RALYL: variants seen among roughly 807,000 people sequenced by gnomAD.
RALYL encodes RALY RNA binding protein like.
Under a neutral mutation model 35.1 loss-of-function variants are expected in RALYL, and 29 were observed. The ratio of observed to expected loss-of-function variants is 0.83; its 90% CI spans 0.61 to 1.13. The LOEUF is 1.13. Ranked by LOEUF, RALYL falls within the 50% of genes most tolerant of loss-of-function variation. The pLI is 0.00. For synonymous variants in RALYL, 120 were observed against 127.6 expected, an observed-to-expected ratio of 0.94 and a Z score of 0.40; for missense variants, 359 against 360.4, an observed-to-expected ratio of 1.00 and a Z score of 0.03.
At chr8:84,231,753 T>C (rs1007564119) in intron 1 of RALYL, among the ~76,000 whole-genome samples, 1 of 152,188 alleles carries the variant, frequency 6.6e-6, no homozygotes, top group African/African-American at 2.4e-5. Flanking sequence ...TCAAACTCTT[T>C]CAAAGTAGTC....
chr8:84,842,974 A>C (rs958255910), intron 4 of RALYL, among the ~76,000 whole-genome samples: 1 of 152,190 alleles, frequency 6.6e-6, no homozygotes, highest in Non-Finnish European at 1.5e-5. Context: ...ATCTCAAAAT[A>C]ATAAGAGCTA....
At chr8:84,840,125 T>C (rs1254765642) in intron 4 of RALYL, among the ~76,000 whole-genome samples, 2 of 152,050 alleles carry the variant, frequency 1.3e-5, no homozygotes, top group East Asian at 3.9e-4. Flanking sequence ...AGGGAATGAC[T>C]TTGACGAGTT....
chr8:84,464,825 C>T (rs1377309261), intron 1 of RALYL, among the ~76,000 whole-genome samples: 215 of 142,548 alleles, frequency 1.5e-3, no homozygotes, highest in African/African-American at 4.8e-3. Flanking sequence ...TTTTTAATGA[C>T]TGCCATTCTA....
At chr8:84,916,149 ATTTAAC>A (rs1848435328) in intron 8 of RALYL, among the ~76,000 whole-genome samples, 3 of 152,266 alleles carry the variant, frequency 2.0e-5, no homozygotes, top group African/African-American at 4.8e-5. Flanking sequence ...GTTAAAATAA[ATTTAAC>A]TTTATTTACC....
At chr8:84,368,490 C>A (rs1175963383) in intron 1 of RALYL, among the ~76,000 whole-genome samples, 1 of 152,152 alleles carries the variant, frequency 6.6e-6, no homozygotes, top group East Asian at 1.9e-4. Context: ...TGCTTTCAGG[C>A]TGCTGATAAA....
chr8:84,559,293 A>G (rs1474387219), intron 2 of RALYL, among the ~76,000 whole-genome samples: 3 of 152,066 alleles, frequency 2.0e-5, no homozygotes, highest in African/African-American at 7.2e-5. Context: ...AAGTGTGAAA[A>G]CATTAAAATA....
chr8:84,873,356 G>A lies in RALYL; in HGVS notation c.644G>A (p.Gly215Glu), dbSNP rs1285208955. The A allele has an allele frequency of 1.2e-6, 2 of 1,601,450 alleles. No individual in the cohort carries two copies. The highest frequency in any genetic ancestry group is 1.7e-6 in the Non-Finnish European group (2 of 1,173,816). Residue 215 changes from glycine (G) to glutamate (E), a missense_variant, in exon 7 of 9, where the codon GGG (glycine) becomes GAG (glutamate). Physicochemically the swap from Gly to Glu is moderately conservative, Grantham distance 98. Coordinates refer to ENST00000521268, the MANE Select transcript of RALYL (RefSeq NM_173848.7). ...QIKTKIDSLL[G>E]RLEKIEKQQK... ...AAAACTAAAATTGACTCCTTGCTAG[G>A]GCGCCTGGAGAAGATTGAGAAACAG... is the stretch of plus-strand genomic sequence containing the variant.
chr8:84,863,273 A>G (rs1419999375), intron 6 of RALYL, among the ~76,000 whole-genome samples: 3 of 152,224 alleles, frequency 2.0e-5, no homozygotes. Context: ...AGGAAAAGAG[A>G]AAGTGACCTT....
At chr8:84,526,668 C>G (rs1398302247) in intron 1 of RALYL, among the ~76,000 whole-genome samples, 2 of 152,136 alleles carry the variant, frequency 1.3e-5, no homozygotes, top group Non-Finnish European at 1.5e-5. Context: ...TCTCAAGAAA[C>G]CTGTCACACA....
intron 8 of RALYL, among the ~76,000 whole-genome samples, chr8:84,901,791 C>T (rs1176483540): frequency 1.3e-5 from 2 of 152,080 alleles, no homozygotes; most frequent in Admixed American, 6.6e-5. Flanking sequence ...AGGAGAGACT[C>T]TTATTTGATT....
chr8:84,570,723 G>A (rs535370924), intron 2 of RALYL, among the ~76,000 whole-genome samples: 3 of 151,860 alleles, frequency 2.0e-5, no homozygotes, highest in South Asian at 2.1e-4. Context: ...CTGTGTATTT[G>A]CCATGGATGG....
chr8:84,400,204 A>T (rs572555448), intron 1 of RALYL, among the ~76,000 whole-genome samples: 1 of 152,300 alleles, frequency 6.6e-6, no homozygotes, highest in South Asian at 2.1e-4. Context: ...TATGTTAGGG[A>T]TGGAACCCAA....
intron 3 of RALYL, among the ~76,000 whole-genome samples, chr8:84,781,986 C>T (rs1818275274): frequency 6.6e-6 from 1 of 151,928 alleles, no homozygotes; most frequent in Non-Finnish European, 1.5e-5. Flanking sequence ...GCAGGTACCA[C>T]CTTGAGTAGC....
At chr8:84,274,679 A>G (rs545537477) in intron 1 of RALYL, among the ~76,000 whole-genome samples, 10 of 152,260 alleles carry the variant, frequency 6.6e-5, no homozygotes, top group African/African-American at 1.7e-4. Flanking sequence ...CAGGAATTGT[A>G]TCTCTATAAG....
At chr8:84,604,608 T>TTGTAA in intron 2 of RALYL, among the ~76,000 whole-genome samples, 1 of 152,148 alleles carries the variant, frequency 6.6e-6, no homozygotes, top group South Asian at 2.1e-4. Flanking sequence ...ATATCAGAAA[T>TTGTAA]ACAGGAAAGC....
At chr8:84,245,436 AT>A (rs1828872210) in intron 1 of RALYL, among the ~76,000 whole-genome samples, 1 of 152,144 alleles carries the variant, frequency 6.6e-6, no homozygotes, top group Admixed American at 6.6e-5. Flanking sequence ...ATGTAGAGGA[AT>A]TTGGACTCCT....
At chr8:84,605,834 C>T (rs557323290) in intron 2 of RALYL, among the ~76,000 whole-genome samples, 1 of 152,230 alleles carries the variant, frequency 6.6e-6, no homozygotes, top group African/African-American at 2.4e-5. Flanking sequence ...CTGACCTCCT[C>T]TGAAAGGCTG....
intron 2 of RALYL, among the ~76,000 whole-genome samples, chr8:84,758,208 G>T (rs191706025): frequency 3.8e-3 from 574 of 152,130 alleles, no homozygotes; most frequent in African/African-American, 0.013. Context: ...AAAAATATTG[G>T]GTAATTTTCT....
intron 2 of RALYL, among the ~76,000 whole-genome samples, chr8:84,538,525 CATATATGTTAA>C (rs1354237664): frequency 2.0e-5 from 3 of 152,060 alleles, no homozygotes; most frequent in African/African-American, 7.2e-5. Context: ...TGCTTGCCAA[CATATATGTTAA>C]ATTCTAAAAG....
Sources: gnomAD v4.1 joint callset for allele counts (sites outside exome capture counted in the v4.1 genomes callset) on GRCh38, gnomAD v4.1.1 for gene constraint, MANE v1.5 for transcripts, NCBI Gene and HGNC (gene_info 2026-07-23, HGNC 2026-07-21) for gene names.